SCFD2: variants seen among roughly 807,000 people sequenced by gnomAD.
SCFD2 encodes the protein sec1 family domain-containing protein 2.
SCFD2 carries 54 observed loss-of-function variants against 58.9 expected under a neutral mutation model. That is an observed-to-expected ratio of 0.92 (90% CI 0.74 to 1.15). The LOEUF is 1.15. SCFD2 is among the 50% of genes most tolerant of loss of function. The probability of loss-of-function intolerance (pLI) is 0.00; values close to 1 mark genes in which losing one functional copy is unlikely to be tolerated. For synonymous variants in SCFD2, 321 were observed against 335.9 expected (o/e 0.96, Z 0.49); for missense variants, 805 against 836.6 (o/e 0.96, Z 0.47).
chr4:53,048,657 C>T (rs1723105047), intron 5 of SCFD2, among the ~76,000 whole-genome samples: 1 of 152,186 alleles, frequency 6.6e-6, no homozygotes, highest in African/African-American at 2.4e-5. Flanking sequence ...GGACAGATCG[C>T]TCGAGCCTGA....
intron 5 of SCFD2, among the ~76,000 whole-genome samples, chr4:53,081,127 G>A (rs1362031876): frequency 6.6e-6 from 1 of 152,136 alleles, no homozygotes; most frequent in Non-Finnish European, 1.5e-5. Flanking sequence ...CACACGTGAA[G>A]CAGAATTTCA....
At chr4:53,118,064 T>C (rs1218176511) in intron 5 of SCFD2, among the ~76,000 whole-genome samples, 1 of 152,204 alleles carries the variant, frequency 6.6e-6, no homozygotes, top group African/African-American at 2.4e-5. Context: ...GTATGCCAGG[T>C]ACTATGTGAC....
chr4:52,951,969 T>C (rs1429039080), intron 5 of SCFD2, among the ~76,000 whole-genome samples: 3 of 152,164 alleles, frequency 2.0e-5, no homozygotes, highest in African/African-American at 7.2e-5. Flanking sequence ...TTCAACACTG[T>C]GCAGAGGAGA....
intron 6 of SCFD2, among the ~76,000 whole-genome samples, chr4:52,909,658 C>T (rs573562087): frequency 8.4e-4 from 127 of 152,024 alleles, no homozygotes; most frequent in African/African-American, 2.4e-3. Context: ...CCACTACAAA[C>T]GGCAAGAATG....
chr4:53,017,579 T>G (rs1490205514), intron 5 of SCFD2, among the ~76,000 whole-genome samples: 3 of 152,226 alleles, frequency 2.0e-5, no homozygotes, highest in African/African-American at 7.2e-5. Flanking sequence ...CTTTAAAATA[T>G]CCCACATTAG....
At chr4:53,260,523 A>G (rs1022198796) in intron 4 of SCFD2, among the ~76,000 whole-genome samples, 4 of 152,100 alleles carry the variant, frequency 2.6e-5, no homozygotes, top group Admixed American at 1.3e-4. Context: ...TATGTGGTGT[A>G]TCACATTTAT....
At chr4:53,207,471 T>G (rs1728442026) in intron 4 of SCFD2, among the ~76,000 whole-genome samples, 1 of 44,900 alleles carries the variant, frequency 2.2e-5, no homozygotes, top group South Asian at 9.4e-4. Context: ...CTGAGTAGTT[T>G]GAAATATATT....
In SCFD2 at chr4:53,145,464, T is replaced by C. The variant is rs1245926571; in HGVS notation, c.1430A>G (p.Tyr477Cys). The change falls in exon 5 of 9, where the codon TAT becomes TGT. Residue 477 changes from tyrosine (Y) to cysteine (C), a missense_variant. Coordinates refer to ENST00000401642, the MANE Select transcript of SCFD2 (RefSeq NM_152540.4). ...SPEELLILLI[Y>C]IYSVTGELTV... ...GAGCTCTCCAGTGACAGAATAAATA[T>C]ATATGAGAAGGATCAGCAGTTCCTC... 4 of 1,614,030 alleles carry C rather than the reference T, an allele frequency of 2.5e-6. No homozygotes were observed. The highest frequency in any genetic ancestry group is 1.7e-6 in the Non-Finnish European group (2 of 1,180,024).
chr4:53,019,753 C>G (rs1287946808), intron 5 of SCFD2, among the ~76,000 whole-genome samples: 1 of 152,144 alleles, frequency 6.6e-6, no homozygotes, highest in Non-Finnish European at 1.5e-5. Flanking sequence ...AGCTTCCCAC[C>G]TTCATTTTCC....
intron 6 of SCFD2, among the ~76,000 whole-genome samples, chr4:52,908,991 A>C (rs1560477853): frequency 6.6e-6 from 1 of 152,234 alleles, no homozygotes; most frequent in Non-Finnish European, 1.5e-5. Flanking sequence ...AGAAATTGCA[A>C]TTAAAGCTAT....
At chr4:52,964,700 A>ACT (rs1720921999) in intron 5 of SCFD2, among the ~76,000 whole-genome samples, 1 of 152,092 alleles carries the variant, frequency 6.6e-6, no homozygotes, top group Non-Finnish European at 1.5e-5. Context: ...ACACACACAC[A>ACT]CACACACACA....
intron 2 of SCFD2, among the ~76,000 whole-genome samples, chr4:53,347,041 C>T (rs536400533): frequency 6.6e-6 from 1 of 152,296 alleles, no homozygotes; most frequent in Admixed American, 6.5e-5. Flanking sequence ...CACTGTGTCT[C>T]CAGTCACCCA....
chr4:52,882,644 T>A (rs1163517436), intron 8 of SCFD2, among the ~76,000 whole-genome samples: 1 of 152,150 alleles, frequency 6.6e-6, no homozygotes, highest in Non-Finnish European at 1.5e-5. Context: ...CCAGCCTACA[T>A]CTTTCTCATA....
chr4:53,004,788 T>G (rs1721937298), intron 5 of SCFD2, among the ~76,000 whole-genome samples: 1 of 152,032 alleles, frequency 6.6e-6, no homozygotes, highest in South Asian at 2.1e-4. Context: ...CCACTGGAAG[T>G]AAGGAAGACA....
At chr4:53,202,605 A>G (rs1171819668) in intron 4 of SCFD2, among the ~76,000 whole-genome samples, 1 of 152,092 alleles carries the variant, frequency 6.6e-6, no homozygotes, top group African/African-American at 2.4e-5. Flanking sequence ...GAATCTGTAA[A>G]TTACCTTGGG....
intron 4 of SCFD2, among the ~76,000 whole-genome samples, chr4:53,164,475 G>A (rs1274637771): frequency 6.6e-6 from 1 of 152,156 alleles, no homozygotes. Flanking sequence ...CCACCTAGAA[G>A]ACCCAGAGAA....
intron 3 of SCFD2, among the ~76,000 whole-genome samples, chr4:53,294,520 T>C (rs528554263): frequency 5.3e-5 from 8 of 152,360 alleles, no homozygotes; most frequent in African/African-American, 1.9e-4. Flanking sequence ...TTAAGTTATT[T>C]GTAGATTCTG....
chr4:52,916,641 A>T (rs1296884375), intron 6 of SCFD2, among the ~76,000 whole-genome samples: 1 of 152,202 alleles, frequency 6.6e-6, no homozygotes, highest in Non-Finnish European at 1.5e-5. Flanking sequence ...TTAGGTTTCC[A>T]GTCAACAGAA....
At chr4:53,239,397 T>TGAGAGG (rs369278015) in intron 4 of SCFD2, among the ~76,000 whole-genome samples, 60,298 of 95,428 alleles carry the variant, frequency 0.63, 19,681 homozygotes, top group Middle Eastern at 0.76. Flanking sequence ...GTGGGGAGAG[T>TGAGAGG]GAGAGGGAGA....
Sources: gnomAD v4.1 joint callset for allele counts (sites outside exome capture counted in the v4.1 genomes callset) on GRCh38, gnomAD v4.1.1 for gene constraint, MANE v1.5 for transcripts, NCBI Gene and HGNC (gene_info 2026-07-23, HGNC 2026-07-21) for gene names.